Variants in FARP1 observed in about 807,000 individuals in gnomAD.
The protein encoded by FARP1 is FERM, ARH/RhoGEF and pleckstrin domain protein 1.
FARP1 carries 52 observed loss-of-function variants against 128.8 expected under a neutral mutation model. The observed-to-expected ratio is 0.40, with a 90% confidence interval of 0.32 to 0.51. FARP1 has a LOEUF of 0.51. Among genes scored for constraint, FARP1 ranks in the 20% least tolerant of loss-of-function variants. The probability of loss-of-function intolerance (pLI) is 0.45; values close to 1 mark genes in which losing one functional copy is unlikely to be tolerated. For synonymous variants in FARP1, 580 were observed against 551.8 expected (o/e 1.05, Z -0.72); for missense variants, 1,333 against 1,367.9 (o/e 0.97, Z 0.40).
chr13:98,321,694 C>T (rs1466330646), intron 2 of FARP1, among the ~76,000 whole-genome samples: 1 of 152,170 alleles, frequency 6.6e-6, no homozygotes, highest in African/African-American at 2.4e-5. Flanking sequence ...TAAGGGAAGC[C>T]TCTTGGCCTC....
intron 9 of FARP1, among the ~76,000 whole-genome samples, chr13:98,389,066 A>G (rs1441824786): frequency 1.3e-5 from 2 of 152,222 alleles, no homozygotes; most frequent in South Asian, 2.1e-4. Context: ...TCTGTCCCCA[A>G]CCAGCGTGTA....
chr13:98,264,978 C>T (rs1306515446), intron 2 of FARP1, among the ~76,000 whole-genome samples: 2 of 152,146 alleles, frequency 1.3e-5, no homozygotes, highest in African/African-American at 4.8e-5. Flanking sequence ...ATTCTTAGTA[C>T]TTGCTTATCT....
In FARP1 at chr13:98,346,618, G is replaced by A. The variant is rs148821735; in HGVS notation, c.276+2752G>A. ...AAACTAGCTGGGTGTGGTGGCGCAC[G>A]CCTGTAGTCCCAGTGACTCAGGAAG... On this transcript the variant is annotated intron_variant, in intron 3 of 26. Transcript: ENST00000319562. Among the ~76,000 whole-genome samples the A allele has an allele frequency of 3.8e-3, 576 of 152,114 alleles. 7 individuals carry two copies. Among genetic ancestry groups the A allele is most frequent in the African/African-American group, 0.013 (557 of 41,528 alleles).
At chr13:98,396,315 T>C (rs937896724) in intron 13 of FARP1, 10 of 399,220 alleles carry the variant, frequency 2.5e-5, no homozygotes, top group African/African-American at 1.4e-4. Flanking sequence ...GCAGTGGGAC[T>C]GAGTCCAGTG....
At position 98,449,831 on chromosome 13, in the gene FARP1, G is replaced by C. The variant is rs1374180290; in HGVS notation, c.*1514G>C. 1.3e-5 allele frequency: 2 copies of C among 152,444 alleles called. No individual in the cohort carries two copies. The highest frequency in any genetic ancestry group is 4.8e-5 in the African/African-American group (2 of 41,386). The allele number at this position is 152,444 out of a possible 1,614,324, so 9.4% of individuals were successfully genotyped here. On this transcript the variant is annotated 3_prime_UTR_variant, in exon 27 of 27. Coordinates refer to ENST00000319562, the MANE Select transcript of FARP1 (RefSeq NM_005766.4). ...GGGGAGGGGGGAAGGGGACACTCCAGCAAGGGTTTCTAAAGCCCCAGTGTT... is the reference window on the plus strand; with the variant it reads ...GGGGAGGGGGGAAGGGGACACTCCACCAAGGGTTTCTAAAGCCCCAGTGTT...
intron 1 of FARP1, among the ~76,000 whole-genome samples, chr13:98,189,027 A>G (rs1465793503): frequency 6.6e-6 from 1 of 152,102 alleles, no homozygotes; most frequent in Non-Finnish European, 1.5e-5. Context: ...TCAGGGCAGG[A>G]GTGTCTTTCT....
At chr13:98,194,361 C>A (rs188213168) in intron 1 of FARP1, among the ~76,000 whole-genome samples, 1 of 152,226 alleles carries the variant, frequency 6.6e-6, no homozygotes, top group Non-Finnish European at 1.5e-5. Context: ...AGGTGATCCA[C>A]CCGCCTCGGC....
chr13:98,438,102 T>C (rs1892359208), intron 19 of FARP1, among the ~76,000 whole-genome samples: 1 of 152,124 alleles, frequency 6.6e-6, no homozygotes, highest in South Asian at 2.1e-4. Flanking sequence ...AATTTAAAAA[T>C]GATCATTTTT....
rs1594483062 is a variant in FARP1 at position 98,393,569 on chromosome 13, T to C, written c.1089-74T>C. ...CTAATACGTCCAACAAAAGGACTTT[T>C]GTTTCATTTAAAACCAAGGAAAAAG... On this transcript the variant is annotated intron_variant, in intron 11 of 26. Transcript: ENST00000319562. 9.1e-6 allele frequency: 11 copies of C among 1,205,722 alleles called. No homozygotes were observed. The East Asian group carries it at 2.6e-4, about 28-fold the overall frequency. The allele number at this position is 1,205,722 out of a possible 1,614,324, so 74.7% of individuals were successfully genotyped here.
chr13:98,198,733 C>A (rs1436187205), intron 1 of FARP1, among the ~76,000 whole-genome samples: 1 of 151,580 alleles, frequency 6.6e-6, no homozygotes, highest in Non-Finnish European at 1.5e-5. Flanking sequence ...AAAAGATTAG[C>A]TGGGCACGGT....
intron 2 of FARP1, among the ~76,000 whole-genome samples, chr13:98,337,869 A>T (rs1382620293): frequency 6.6e-6 from 1 of 152,184 alleles, no homozygotes; most frequent in Non-Finnish European, 1.5e-5. Flanking sequence ...CAGACATATA[A>T]AAGAGCTCTT....
intron 2 of FARP1, chr13:98,244,498 C>A (rs772833785): frequency 1.3e-5 from 21 of 1,614,020 alleles, no homozygotes; most frequent in Non-Finnish European, 1.7e-5. Flanking sequence ...CAGATGGTGT[C>A]CTCATCCTCC....
chr13:98,273,365 A>G (rs1482081982), intron 2 of FARP1, among the ~76,000 whole-genome samples: 1 of 152,108 alleles, frequency 6.6e-6, no homozygotes, highest in Non-Finnish European at 1.5e-5. Context: ...TGTCACAAAG[A>G]GTCTGTTTTG....
intron 2 of FARP1, among the ~76,000 whole-genome samples, chr13:98,265,025 C>T (rs1203348365): frequency 6.6e-6 from 1 of 152,168 alleles, no homozygotes; most frequent in African/African-American, 2.4e-5. Context: ...CCATTAAAGG[C>T]AAGATCCTGG....
At chr13:98,264,799 G>C (rs1884025579) in intron 2 of FARP1, among the ~76,000 whole-genome samples, 1 of 152,046 alleles carries the variant, frequency 6.6e-6, no homozygotes, top group African/African-American at 2.4e-5. Context: ...CTATTCAATA[G>C]TAATAATAAG....
intron 2 of FARP1, among the ~76,000 whole-genome samples, chr13:98,266,274 G>A (rs1571527): frequency 0.42 from 63,636 of 151,962 alleles, 14,122 homozygotes; most frequent in African/African-American, 0.56. Flanking sequence ...CATCTGAAAA[G>A]CCGCGAGACA....
In FARP1 at chr13:98,176,475, G is replaced by C. The variant is rs1878042058; in HGVS notation, c.-24+32983G>C. The C allele has an allele frequency of 6.2e-7, 1 of 1,614,094 alleles. No individual in the cohort carries two copies. Among genetic ancestry groups the C allele is most frequent in the Admixed American group, 1.7e-5 (1 of 60,008 alleles). On this transcript the variant is annotated intron_variant, in intron 1 of 26. Coordinates refer to ENST00000319562, the MANE Select transcript of FARP1 (RefSeq NM_005766.4). This position sits in a 1 kb window ranked among gnomAD's most constrained non-coding sequence, Gnocchi z 6.2. ...AGGCCTGGCGACATATGAAACACCT[G>C]AATGGTATTTCCTCTTCCTCGCTTC... is the stretch of plus-strand genomic sequence containing the variant.
intron 13 of FARP1, chr13:98,405,525 G>A (rs962437763): frequency 2.6e-5 from 4 of 152,124 alleles, no homozygotes; most frequent in African/African-American, 9.7e-5. Context: ...GTGGCGGGAG[G>A]GGTCATGAAA....
intron 1 of FARP1, among the ~76,000 whole-genome samples, chr13:98,212,486 AG>A (rs574003930): frequency 6.2e-4 from 94 of 152,192 alleles, no homozygotes; most frequent in African/African-American, 2.1e-3. Flanking sequence ...GCGAGAGGGG[AG>A]GGAGAAGCTG....
Sources: allele counts gnomAD v4.1 joint callset (sites outside exome capture counted in the v4.1 genomes callset), GRCh38; gene constraint gnomAD v4.1.1; non-coding constraint Gnocchi (gnomAD v3.1); transcripts MANE v1.5; gene names NCBI Gene and HGNC (gene_info 2026-07-23, HGNC 2026-07-21).